The following WDPCP variants were observed in gnomAD, a reference collection of about 807,000 sequenced individuals.
WDPCP encodes WD repeat-containing and planar cell polarity effector protein fritz homolog.
A neutral mutation model predicts 93.1 loss-of-function variants in WDPCP; 71 were observed. The ratio of observed to expected loss-of-function variants is 0.76; its 90% CI spans 0.63 to 0.93. The LOEUF is 0.93. Among genes scored for constraint, WDPCP ranks in the 40% least tolerant of loss-of-function variants. WDPCP has a pLI of 0.00. For synonymous variants in WDPCP, 315 were observed against 315.0 expected, an observed-to-expected ratio of 1.00 and a Z score of 0.00; for missense variants, 844 against 887.4, an observed-to-expected ratio of 0.95 and a Z score of 0.62.
intron 12 of WDPCP, among the ~76,000 whole-genome samples, chr2:63,332,197 A>ATT (rs1488674187): frequency 1.2e-4 from 18 of 151,848 alleles, no homozygotes; most frequent in African/African-American, 3.9e-4. Flanking sequence ...GAATGGTTAG[A>ATT]ATGTATAAAT....
chr2:63,707,107 G>A (rs1414412291), intron 2 of WDPCP, among the ~76,000 whole-genome samples: 1 of 152,046 alleles, frequency 6.6e-6, no homozygotes, highest in South Asian at 2.1e-4. Flanking sequence ...TATGTGTCTT[G>A]GAGTTGCTCT....
chr2:63,773,349 T>C (rs1485447719), intron 2 of WDPCP, among the ~76,000 whole-genome samples: 1 of 152,004 alleles, frequency 6.6e-6, no homozygotes, highest in Non-Finnish European at 1.5e-5. Context: ...GGAGTAAATG[T>C]TGTATAATAA....
chr2:63,413,786 A>C (rs139828024), intron 9 of WDPCP, among the ~76,000 whole-genome samples: 2 of 150,504 alleles, frequency 1.3e-5, no homozygotes, highest in Non-Finnish European at 3.0e-5. Flanking sequence ...TCTGTCTCAA[A>C]AAACAAACAA....
the WDPCP span, among the ~76,000 whole-genome samples, chr2:63,834,538 C>T: frequency 6.6e-6 from 1 of 152,176 alleles, no homozygotes; most frequent in Non-Finnish European, 1.5e-5. Context: ...CATATTGATT[C>T]TTTCAGGCCT....
chr2:63,157,990 TTTAA>T (rs1293562309), intron 15 of WDPCP, among the ~76,000 whole-genome samples: 4 of 151,944 alleles, frequency 2.6e-5, no homozygotes, highest in African/African-American at 7.2e-5. Context: ...CATATAAGCA[TTTAA>T]TTGAGTAAAA....
At chr2:63,124,872 T>C (rs1669788205) in intron 17 of WDPCP, among the ~76,000 whole-genome samples, 1 of 150,498 alleles carries the variant, frequency 6.6e-6, no homozygotes, top group South Asian at 2.1e-4. Flanking sequence ...TGTAAAGGGT[T>C]TTTTTTTTTC....
chr2:63,642,686 T>C, intron 3 of WDPCP: 1 of 152,184 alleles, frequency 6.6e-6, no homozygotes, highest in Non-Finnish European at 1.5e-5. Flanking sequence ...GTTTATCTTG[T>C]AACAGTTTTT....
chr2:63,579,584 T>C (rs1708353335), intron 1 of WDPCP, among the ~76,000 whole-genome samples: 1 of 152,076 alleles, frequency 6.6e-6, no homozygotes, highest in Admixed American at 6.5e-5. Flanking sequence ...CACTCCAGCC[T>C]GGGCAACAGA....
intron 3 of WDPCP, among the ~76,000 whole-genome samples, chr2:63,626,700 A>T (rs1198634921): frequency 6.6e-6 from 1 of 152,224 alleles, no homozygotes; most frequent in Non-Finnish European, 1.5e-5. Flanking sequence ...GGATGTGGAG[A>T]AACAGGAACG....
intron 7 of WDPCP, chr2:63,438,032 GTA>G: frequency 7.9e-7 from 1 of 1,264,462 alleles, no homozygotes; most frequent in Admixed American, 3.9e-5. Context: ...TCTTTTAGGG[GTA>G]TACAAGCTGG....
At chr2:63,760,757 A>T (rs1670045068) in intron 2 of WDPCP, among the ~76,000 whole-genome samples, 1 of 152,144 alleles carries the variant, frequency 6.6e-6, no homozygotes, top group Non-Finnish European at 1.5e-5. Flanking sequence ...CTTCTCTCTG[A>T]CTAACACTGT....
intron 1 of WDPCP, among the ~76,000 whole-genome samples, chr2:63,531,128 C>T (rs963809502): frequency 5.9e-5 from 9 of 152,198 alleles, no homozygotes; most frequent in Admixed American, 1.3e-4. Context: ...GAGGCAGCAA[C>T]GAGGCTGGGG....
chr2:63,336,907 T>TTC (rs1463035518), intron 12 of WDPCP, among the ~76,000 whole-genome samples: 75 of 148,556 alleles, frequency 5.0e-4, no homozygotes, highest in Non-Finnish European at 1.0e-3. Context: ...TTTTTTTTTT[T>TTC]TTTTTGAGAC....
intron 14 of WDPCP, among the ~76,000 whole-genome samples, chr2:63,185,241 C>T (rs1674533549): frequency 6.6e-6 from 1 of 152,162 alleles, no homozygotes; most frequent in Non-Finnish European, 1.5e-5. Flanking sequence ...TTTTGGTCAG[C>T]ATCCATTGCT....
At chr2:63,439,900 G>A (rs1191432827) in intron 6 of WDPCP, 29 bp from the exon 7 acceptor site, 3 of 1,539,932 alleles carry the variant, frequency 1.9e-6, no homozygotes, top group South Asian at 1.1e-5. Flanking sequence ...GGGAGAGAGG[G>A]AGGAAGACAT....
At chr2:63,145,652 T>A (rs955030891) in intron 17 of WDPCP, among the ~76,000 whole-genome samples, 5 of 152,156 alleles carry the variant, frequency 3.3e-5, no homozygotes, top group African/African-American at 1.2e-4. Context: ...GAGGGCATGA[T>A]GGGCTTGAAA....
intron 17 of WDPCP, among the ~76,000 whole-genome samples, chr2:63,150,491 G>A (rs1671816759): frequency 6.6e-6 from 1 of 152,166 alleles, no homozygotes; most frequent in Admixed American, 6.6e-5. Context: ...ATAGCGCTAA[G>A]GTTCAGAAAC....
intron 1 of WDPCP, among the ~76,000 whole-genome samples, chr2:63,550,197 AC>A (rs1445026230): frequency 6.0e-4 from 3 of 4,996 alleles, no homozygotes; most frequent in East Asian, 0.071. Context: ...TAAGAAACAC[AC>A]ACACACACAC....
At chr2:63,711,482 C>A (rs77628148) in intron 2 of WDPCP, 1 of 152,128 alleles carries the variant, frequency 6.6e-6, no homozygotes, top group African/African-American at 2.4e-5. Context: ...CTAGGCCAAG[C>A]GCAGTGGCTC....
Sources: gnomAD v4.1 joint callset for allele counts (sites outside exome capture counted in the v4.1 genomes callset) on GRCh38, gnomAD v4.1.1 for gene constraint, MANE v1.5 for transcripts, NCBI Gene and HGNC (gene_info 2026-07-23, HGNC 2026-07-21) for gene names.